Variants in DAB1 observed in about 807,000 individuals in gnomAD.
DAB1 encodes DAB adaptor protein 1, also known as disabled homolog 1.
A neutral mutation model predicts 64.6 loss-of-function variants in DAB1; 15 were observed. The observed-to-expected ratio is 0.23, with a 90% CI of 0.16 to 0.36. The LOEUF is 0.36. Ranked by LOEUF, DAB1 falls within the 10% of genes least tolerant of loss-of-function variation. The pLI is 1.00. For synonymous variants in DAB1, 235 were observed against 251.9 expected, an observed-to-expected ratio of 0.93 and a Z score of 0.64; for missense variants, 596 against 706.7, an observed-to-expected ratio of 0.84 and a Z score of 1.78.
At chr1:58,047,867 C>T in intron 5 of DAB1, 1 of 276,442 alleles carries the variant, frequency 3.6e-6, no homozygotes. Context: ...TATTCAGCAT[C>T]ACGATCAGAC....
intron 2 of DAB1, among the ~76,000 whole-genome samples, chr1:58,523,217 T>C (rs1646294622): frequency 6.6e-6 from 1 of 152,194 alleles, no homozygotes; most frequent in Admixed American, 6.5e-5. Context: ...AACCCTTCAC[T>C]CCCCACCTTT....
intron 7 of DAB1, among the ~76,000 whole-genome samples, chr1:57,549,996 C>T (rs1234607500): frequency 6.6e-6 from 1 of 152,136 alleles, no homozygotes; most frequent in African/African-American, 2.4e-5. Flanking sequence ...ACAAGACTGA[C>T]ATCAAATGAG....
chr1:58,013,547 C>T (rs1183811214), intron 5 of DAB1, among the ~76,000 whole-genome samples: 3 of 152,190 alleles, frequency 2.0e-5, no homozygotes, highest in Admixed American at 6.5e-5. Context: ...CATTACGACA[C>T]GAGTGGTCAT....
chr1:57,098,713 A>G (rs1654398017), intron 4 of DAB1, among the ~76,000 whole-genome samples: 1 of 152,230 alleles, frequency 6.6e-6, no homozygotes, highest in African/African-American at 2.4e-5. Context: ...ACTATGAAGC[A>G]ATGATGGGGC....
intron 4 of DAB1, among the ~76,000 whole-genome samples, chr1:58,229,403 T>C (rs1488857994): frequency 2.0e-5 from 3 of 152,142 alleles, no homozygotes; most frequent in Non-Finnish European, 4.4e-5. Flanking sequence ...ATGCATTCAC[T>C]CCATTAGCAA....
intron 7 of DAB1, among the ~76,000 whole-genome samples, chr1:57,432,166 AAG>A (rs1243798947): frequency 6.6e-6 from 1 of 152,176 alleles, no homozygotes; most frequent in East Asian, 1.9e-4. Flanking sequence ...AGTATCGAAA[AAG>A]AGAAGAATCA....
At chr1:57,452,991 A>G (rs1686448306) in intron 7 of DAB1, among the ~76,000 whole-genome samples, 1 of 151,986 alleles carries the variant, frequency 6.6e-6, no homozygotes, top group Non-Finnish European at 1.5e-5. Flanking sequence ...GAAAAGGAAG[A>G]AAGAAAAGAA....
chr1:57,110,465 G>T (rs925273485), intron 4 of DAB1, among the ~76,000 whole-genome samples: 1 of 152,160 alleles, frequency 6.6e-6, no homozygotes, highest in Non-Finnish European at 1.5e-5. Context: ...ACATTAAGAA[G>T]GTAAATTCAT....
intron 9 of DAB1, among the ~76,000 whole-genome samples, chr1:57,031,532 T>C (rs987671678): frequency 6.6e-6 from 1 of 152,240 alleles, no homozygotes; most frequent in Non-Finnish European, 1.5e-5. Flanking sequence ...CCATTGTCAC[T>C]ATCTATGTTT....
At chr1:58,130,987 G>A (rs1463452920) in intron 5 of DAB1, among the ~76,000 whole-genome samples, 103 of 141,292 alleles carry the variant, frequency 7.3e-4, no homozygotes, top group African/African-American at 2.7e-3. Context: ...TGTATTTCCT[G>A]AATCTGAACG....
At chr1:57,532,030 T>C (rs1644668983) in intron 7 of DAB1, among the ~76,000 whole-genome samples, 1 of 152,152 alleles carries the variant, frequency 6.6e-6, no homozygotes, top group South Asian at 2.1e-4. Context: ...TTAAGTGTTG[T>C]TTCATATAAT....
At chr1:57,550,979 C>T (rs575312904) in intron 7 of DAB1, among the ~76,000 whole-genome samples, 2 of 152,234 alleles carry the variant, frequency 1.3e-5, no homozygotes, top group African/African-American at 2.4e-5. Context: ...ATACCATTAT[C>T]CCCACTTTAC....
At chr1:57,385,660 A>G (rs1681747391) in intron 1 of DAB1, among the ~76,000 whole-genome samples, 1 of 152,208 alleles carries the variant, frequency 6.6e-6, no homozygotes, top group Admixed American at 6.5e-5. Flanking sequence ...GAGAAAGAGT[A>G]AACAGTTCAG....
At chr1:58,494,169 A>C (rs1208193055) in intron 3 of DAB1, among the ~76,000 whole-genome samples, 2 of 152,264 alleles carry the variant, frequency 1.3e-5, no homozygotes, top group Admixed American at 1.3e-4. Context: ...AAATGGGGAA[A>C]GGATTCCCTC....
At chr1:57,798,901 A>C (rs1650995893) in intron 6 of DAB1, among the ~76,000 whole-genome samples, 1 of 152,228 alleles carries the variant, frequency 6.6e-6, no homozygotes, top group African/African-American at 2.4e-5. Flanking sequence ...ATACACATTC[A>C]TGCACATAAT....
intron 4 of DAB1, among the ~76,000 whole-genome samples, chr1:58,334,104 C>T (rs919908531): frequency 1.3e-5 from 2 of 152,150 alleles, no homozygotes; most frequent in East Asian, 1.9e-4. Context: ...GCCTTACTGA[C>T]GTTGAGCTTG....
intron 7 of DAB1, among the ~76,000 whole-genome samples, chr1:57,491,375 C>A (rs1644161966): frequency 6.6e-6 from 1 of 152,002 alleles, no homozygotes; most frequent in Admixed American, 6.6e-5. Context: ...TTGCAGTGAG[C>A]CGAGATTGCG....
intron 4 of DAB1, among the ~76,000 whole-genome samples, chr1:58,195,401 A>C (rs1325357822): frequency 6.6e-6 from 1 of 152,198 alleles, no homozygotes; most frequent in Non-Finnish European, 1.5e-5. Flanking sequence ...AAAGACATAG[A>C]GGCACAAAGA....
At chr1:57,481,478 C>A (rs1260379061) in intron 7 of DAB1, among the ~76,000 whole-genome samples, 1 of 152,156 alleles carries the variant, frequency 6.6e-6, no homozygotes, top group African/African-American at 2.4e-5. Flanking sequence ...CCCATGGGAG[C>A]TATACAGCTC....
Sources: gnomAD v4.1 joint callset for allele counts (sites outside exome capture counted in the v4.1 genomes callset) on GRCh38, gnomAD v4.1.1 for gene constraint, MANE v1.5 for transcripts, NCBI Gene and HGNC (gene_info 2026-07-23, HGNC 2026-07-21) for gene names.